CEP112: variants seen among roughly 807,000 people sequenced by gnomAD.
CEP112 encodes the protein centrosomal protein 112.
CEP112 carries 127 observed loss-of-function variants against 153.0 expected under a neutral mutation model. The observed-to-expected ratio is 0.83, with a 90% CI of 0.72 to 0.96. The LOEUF is 0.96. CEP112 is among the 40% of genes least tolerant of loss of function. The probability of loss-of-function intolerance (pLI) is 0.00; values close to 1 mark genes in which losing one functional copy is unlikely to be tolerated. For missense variants in CEP112, 1,089 were observed against 1,101.2 expected, an observed-to-expected ratio of 0.99 and a Z score of 0.16; for synonymous variants, 358 against 374.4, an observed-to-expected ratio of 0.96 and a Z score of 0.51.
At chr17:65,690,357 T>G (rs2048044216) in intron 23 of CEP112, among the ~76,000 whole-genome samples, 1 of 141,840 alleles carries the variant, frequency 7.1e-6, no homozygotes, top group African/African-American at 2.7e-5. Context: ...GCCCAGGAGT[T>G]TGAAGCTGCA....
chr17:65,668,022 A>G (rs2046786083), intron 24 of CEP112, among the ~76,000 whole-genome samples: 1 of 151,748 alleles, frequency 6.6e-6, no homozygotes, highest in Admixed American at 6.6e-5. Context: ...TCAGCCTCCC[A>G]AGTAGCTGGG....
At chr17:65,636,617 GT>G (rs113104335) in intron 26 of CEP112, 51 of 144,972 alleles carry the variant, frequency 3.5e-4, no homozygotes, top group Non-Finnish European at 5.3e-4. Context: ...TTTTTCTTTT[GT>G]TTTTTTTTTT....
intron 20 of CEP112, among the ~76,000 whole-genome samples, chr17:65,859,852 CAAAAAAAA>C (rs573790538): frequency 3.0e-5 from 3 of 100,360 alleles, no homozygotes; most frequent in Non-Finnish European, 6.0e-5. Flanking sequence ...ACTAAAAATA[CAAAAAAAA>C]AAAAAAAAAA....
rs146612250 is a variant in CEP112, at chr17:65,912,071, A to C, written c.1981-9737T>G. Among the ~76,000 whole-genome samples the C allele has an allele frequency of 2.6e-5, 4 of 152,302 alleles. No individual in the cohort carries two copies. The East Asian group carries it at 7.7e-4, about 29-fold the overall frequency. ...GGTCTGCGAACCAACTCAGATCGGG[A>C]AACTTGGTAGAGGACTATGATTTTC... On this transcript the variant is annotated intron_variant, in intron 19 of 26. Transcript: ENST00000535342.
intron 24 of CEP112, among the ~76,000 whole-genome samples, chr17:65,659,301 T>G (rs1413413800): frequency 2.6e-5 from 4 of 152,184 alleles, no homozygotes; most frequent in African/African-American, 4.8e-5. Flanking sequence ...TTTGAGGGCA[T>G]TTTTCAAAAG....
At chr17:65,992,414 T>G (rs1221205594) in intron 17 of CEP112, among the ~76,000 whole-genome samples, 1 of 152,166 alleles carries the variant, frequency 6.6e-6, no homozygotes, top group Non-Finnish European at 1.5e-5. Context: ...AGAAAAGATA[T>G]GTTTCCAAGA....
intron 21 of CEP112, among the ~76,000 whole-genome samples, chr17:65,847,095 C>A (rs377355184): frequency 6.6e-6 from 1 of 152,106 alleles, no homozygotes; most frequent in Non-Finnish European, 1.5e-5. Context: ...GGACAAAAAC[C>A]GAACTCATCG....
At chr17:65,713,871 A>G (rs1314638398) in intron 23 of CEP112, among the ~76,000 whole-genome samples, 1 of 152,150 alleles carries the variant, frequency 6.6e-6, no homozygotes, top group Non-Finnish European at 1.5e-5. Context: ...TACAGGAGTG[A>G]GTCACCACGC....
At chr17:65,730,268 A>T (rs2050428036) in intron 23 of CEP112, among the ~76,000 whole-genome samples, 1 of 152,214 alleles carries the variant, frequency 6.6e-6, no homozygotes, top group South Asian at 2.1e-4. Flanking sequence ...AAAACTTTTG[A>T]GAGAGAACTG....
At chr17:65,971,421 C>CATGTGATGTATGCATGT (rs1555740293) in intron 17 of CEP112, among the ~76,000 whole-genome samples, 1 of 47,262 alleles carries the variant, frequency 2.1e-5, no homozygotes, top group African/African-American at 6.2e-5. Context: ...ATGCAGCATG[C>CATGTGATGTATGCATGT]TGCATGCATG....
chr17:65,936,337 C>A (rs1192978385), intron 18 of CEP112, among the ~76,000 whole-genome samples: 1 of 152,136 alleles, frequency 6.6e-6, no homozygotes, highest in African/African-American at 2.4e-5. Context: ...TGAATTCTAC[C>A]AAACATTAGA....
chr17:66,183,446 A>AGG (rs2072800542), intron 1 of CEP112, 139 bp from the exon 2 acceptor site: 1 of 519,946 alleles, frequency 1.9e-6, no homozygotes, highest in African/African-American at 2.0e-5. Context: ...TGCAACTCCC[A>AGG]TCAAAACCCA....
intron 6 of CEP112, among the ~76,000 whole-genome samples, chr17:66,108,095 C>T (rs577248314): frequency 1.3e-5 from 2 of 152,136 alleles, no homozygotes; most frequent in Admixed American, 1.3e-4. Flanking sequence ...TGGATATCCA[C>T]ATGCAAAACA....
intron 1 of CEP112, among the ~76,000 whole-genome samples, chr17:66,185,147 T>A (rs888334657): frequency 1.4e-5 from 2 of 141,974 alleles, no homozygotes; most frequent in Non-Finnish European, 3.2e-5. Context: ...CTGTACACTA[T>A]CTATGTAGGA....
chr17:65,664,876 T>C (rs892449584), intron 24 of CEP112, among the ~76,000 whole-genome samples: 7 of 152,216 alleles, frequency 4.6e-5, no homozygotes, highest in Non-Finnish European at 1.0e-4. Flanking sequence ...TTCTAGAGGC[T>C]GGGAAATCCA....
intron 24 of CEP112, among the ~76,000 whole-genome samples, chr17:65,650,045 C>A (rs901376625): frequency 1.6e-4 from 25 of 152,254 alleles, no homozygotes; most frequent in Admixed American, 1.6e-3. Flanking sequence ...CCTCCTGCAA[C>A]TCCAGAGAGT....
intron 20 of CEP112, among the ~76,000 whole-genome samples, chr17:65,890,645 T>C (rs556383462): frequency 2.0e-4 from 30 of 152,284 alleles, no homozygotes; most frequent in Admixed American, 6.5e-4. Context: ...CTCAGAAAGA[T>C]GCTGGCATTG....
intron 24 of CEP112, among the ~76,000 whole-genome samples, chr17:65,658,109 T>C (rs866371441): frequency 6.6e-6 from 1 of 152,236 alleles, no homozygotes; most frequent in South Asian, 2.1e-4. Context: ...AATTCTTACA[T>C]ACAATTTGGA....
At chr17:65,833,450 A>G (rs2057172366) in intron 21 of CEP112, among the ~76,000 whole-genome samples, 1 of 152,180 alleles carries the variant, frequency 6.6e-6, no homozygotes, top group Non-Finnish European at 1.5e-5. Flanking sequence ...ATATCTAGAA[A>G]ACCCCACAGT....
Sources: allele counts gnomAD v4.1 joint callset (sites outside exome capture counted in the v4.1 genomes callset), GRCh38; gene constraint gnomAD v4.1.1; transcripts MANE v1.5; gene names NCBI Gene and HGNC (gene_info 2026-07-23, HGNC 2026-07-21).